Variants in KDM4C observed in about 807,000 individuals in gnomAD.
KDM4C encodes lysine-specific demethylase 4C.
A neutral mutation model predicts 129.3 loss-of-function variants in KDM4C; 81 were observed. The ratio of observed to expected loss-of-function variants is 0.63; its 90% confidence interval spans 0.52 to 0.75. The LOEUF (loss-of-function observed/expected upper bound fraction) is 0.75. KDM4C is among the 30% of genes least tolerant of loss of function. The probability of loss-of-function intolerance (pLI) is 0.00; values close to 1 mark genes in which losing one functional copy is unlikely to be tolerated. For synonymous variants in KDM4C, 573 were observed against 456.1 expected (o/e 1.26, Z -3.26); for missense variants, 1,457 against 1,304.0 (o/e 1.12, Z -1.81).
chr9:7,093,276 G>C (rs1229842503), intron 17 of KDM4C, among the ~76,000 whole-genome samples: 1 of 152,170 alleles, frequency 6.6e-6, no homozygotes, highest in Non-Finnish European at 1.5e-5. Flanking sequence ...TTCATTGTGA[G>C]AGTGAATCTG....
chr9:6,957,313 C>G (rs1829236832), intron 8 of KDM4C, among the ~76,000 whole-genome samples: 1 of 152,128 alleles, frequency 6.6e-6, no homozygotes, highest in African/African-American at 2.4e-5. Context: ...ATATTGTGCA[C>G]TAACCCTACC....
chr9:6,920,608 C>T (rs966488479), intron 8 of KDM4C, among the ~76,000 whole-genome samples: 3 of 151,846 alleles, frequency 2.0e-5, no homozygotes, highest in Non-Finnish European at 2.9e-5. Flanking sequence ...ATCATCCTGA[C>T]AAAATAGGTT....
intron 4 of KDM4C, among the ~76,000 whole-genome samples, chr9:6,838,191 G>A (rs10739111): frequency 0.54 from 81,630 of 151,978 alleles, 22,633 homozygotes; most frequent in African/African-American, 0.68. Context: ...TAGCAATTCC[G>A]TCTTTTATTT....
chr9:7,006,659 C>T (rs564094961), intron 12 of KDM4C, among the ~76,000 whole-genome samples: 2 of 152,154 alleles, frequency 1.3e-5, no homozygotes, highest in South Asian at 4.1e-4. Flanking sequence ...TCTTAATACC[C>T]AGCTGGCACA....
At chr9:6,816,022 C>G (rs1320633672) in intron 4 of KDM4C, among the ~76,000 whole-genome samples, 2 of 151,942 alleles carry the variant, frequency 1.3e-5, no homozygotes, top group African/African-American at 4.8e-5. Flanking sequence ...AGTGTATAGA[C>G]CATATTCAAA....
chr9:7,020,756 C>T (rs1421324699), intron 15 of KDM4C, among the ~76,000 whole-genome samples: 2 of 152,122 alleles, frequency 1.3e-5, no homozygotes, highest in African/African-American at 4.8e-5. Flanking sequence ...ACATAATAAC[C>T]ACATCAGGTT....
chr9:6,938,808 G>C (rs967240674), intron 8 of KDM4C, among the ~76,000 whole-genome samples: 3 of 151,764 alleles, frequency 2.0e-5, no homozygotes, highest in African/African-American at 7.3e-5. Context: ...TAGAAAGATG[G>C]TAATTTTTTT....
At chr9:6,818,968 C>CT (rs1446819854) in intron 4 of KDM4C, 1 of 152,062 alleles carries the variant, frequency 6.6e-6, no homozygotes, top group Non-Finnish European at 1.5e-5. Flanking sequence ...TGCGTTGTAA[C>CT]CTGGCAAATG....
chr9:6,867,877 G>C (rs911220972), intron 5 of KDM4C, among the ~76,000 whole-genome samples: 7 of 152,108 alleles, frequency 4.6e-5, no homozygotes, highest in Admixed American at 1.3e-4. Context: ...ACGCTTGTGG[G>C]CAAAATTTCA....
At chr9:6,770,529 A>T (rs60859094) in intron 1 of KDM4C, among the ~76,000 whole-genome samples, 2 of 151,746 alleles carry the variant, frequency 1.3e-5, no homozygotes, top group South Asian at 4.1e-4. Context: ...TCAGTGTCAC[A>T]GATTGCATAT....
At chr9:6,993,770 T>A (rs527482189) in intron 12 of KDM4C, among the ~76,000 whole-genome samples, 26 of 152,300 alleles carry the variant, frequency 1.7e-4, no homozygotes, top group African/African-American at 5.5e-4. Context: ...TCTTTCTTTC[T>A]TTGTTTTTGG....
chr9:6,728,438 G>C (rs1380913198), intron 1 of KDM4C, among the ~76,000 whole-genome samples: 1 of 152,160 alleles, frequency 6.6e-6, no homozygotes, highest in African/African-American at 2.4e-5. Context: ...GGAGGCTGAG[G>C]CAGGAGAATT....
chr9:6,760,065 A>G (rs1347255473), intron 1 of KDM4C, among the ~76,000 whole-genome samples: 2 of 152,058 alleles, frequency 1.3e-5, no homozygotes, highest in East Asian at 3.9e-4. Context: ...TTAATCCCCA[A>G]AAGAAGCTCT....
At chr9:6,826,993 C>T (rs556615170) in intron 4 of KDM4C, among the ~76,000 whole-genome samples, 2 of 152,034 alleles carry the variant, frequency 1.3e-5, no homozygotes, top group Non-Finnish European at 2.9e-5. Context: ...GAGAGTATGA[C>T]AGCTCCTGAT....
intron 12 of KDM4C, among the ~76,000 whole-genome samples, chr9:7,010,148 G>T (rs534423161): frequency 6.6e-6 from 1 of 152,180 alleles, no homozygotes; most frequent in African/African-American, 2.4e-5. Context: ...TAATTTTTTA[G>T]CCATCTCCTT....
intron 17 of KDM4C, chr9:7,076,910 G>A (rs561704044): frequency 5.7e-4 from 560 of 986,812 alleles, no homozygotes; most frequent in Non-Finnish European, 6.4e-4. Context: ...TAGCATGGAG[G>A]CATTATAATA....
intron 4 of KDM4C, among the ~76,000 whole-genome samples, chr9:6,826,841 T>G (rs1833963170): frequency 6.7e-6 from 1 of 150,006 alleles, no homozygotes; most frequent in South Asian, 2.1e-4. Context: ...CACTCCAGCC[T>G]GGGCGACAGA....
chr9:7,009,400 T>G (rs1279913633), intron 12 of KDM4C, among the ~76,000 whole-genome samples: 1 of 152,232 alleles, frequency 6.6e-6, no homozygotes, highest in African/African-American at 2.4e-5. Context: ...GCTCAAGTGC[T>G]TTTTTAAAGA....
At chr9:6,981,628 T>C (rs1169803331) in intron 9 of KDM4C, among the ~76,000 whole-genome samples, 1 of 152,232 alleles carries the variant, frequency 6.6e-6, no homozygotes, top group Non-Finnish European at 1.5e-5. Flanking sequence ...TGTAACATGC[T>C]TATCCTTGTG....
Sources: allele counts gnomAD v4.1 joint callset (sites outside exome capture counted in the v4.1 genomes callset), GRCh38; gene constraint gnomAD v4.1.1; transcripts MANE v1.5; gene names NCBI Gene and HGNC (gene_info 2026-07-23, HGNC 2026-07-21).